The following KIF13A variants were observed in gnomAD, a reference collection of about 807,000 sequenced individuals.
KIF13A encodes kinesin family member 13A.
In KIF13A, 79 loss-of-function variants were observed where a neutral mutation model predicts 212.2. The ratio of observed to expected loss-of-function variants is 0.37; its 90% CI spans 0.31 to 0.45. The LOEUF is 0.45. Among genes scored for constraint, KIF13A ranks in the 20% least tolerant of loss-of-function variants. KIF13A has a pLI of 1.00. For synonymous variants in KIF13A, 789 were observed against 808.6 expected (o/e 0.98, Z 0.41); for missense variants, 1,901 against 2,209.0 (o/e 0.86, Z 2.79).
chr6:17,966,590 G>A (rs1019006806), intron 2 of KIF13A, among the ~76,000 whole-genome samples: 2 of 151,614 alleles, frequency 1.3e-5, no homozygotes, highest in Non-Finnish European at 2.9e-5. Context: ...AATATAGAGT[G>A]TCTCCTAGAT....
At position 17,787,693 on chromosome 6, in the gene KIF13A, C is replaced by A; in HGVS notation, c.3361+83G>T. ...AACAACAAAAATAAGATACTACTGT[C>A]CAGTTAGGGGAAGAAAACGACCTAC... On this transcript the variant is annotated intron_variant, in intron 27 of 38. Coordinates refer to ENST00000259711, the MANE Select transcript of KIF13A (RefSeq NM_022113.6). The surrounding 1 kb of genome is among the most constrained non-coding windows in gnomAD (Gnocchi z 4.6). The A allele has an allele frequency of 2.5e-6, 2 of 785,738 alleles. No homozygotes were observed. The highest frequency in any genetic ancestry group is 4.5e-6 in the Non-Finnish European group (2 of 440,388). 48.7% of individuals were successfully genotyped at this position (785,738 alleles called of 1,614,324 possible).
Position 17,787,504 on chromosome 6 carries a change from A to G in KIF13A, c.3361+272T>C, listed in dbSNP as rs560705888. 2.0e-5 allele frequency among the ~76,000 whole-genome samples: 3 copies of G among 152,226 alleles called. No individual in the cohort carries two copies. Among genetic ancestry groups the G allele is most frequent in the Non-Finnish European group, 2.9e-5 (2 of 68,018 alleles). ...CCCATCTACAAAACATTTAAAAATG[A>G]GCCAGGAGTGGTAGCTTGTGCCTGT... On this transcript the variant is annotated intron_variant, in intron 27 of 38. Transcript: ENST00000259711. The surrounding 1 kb of genome is among the most constrained non-coding windows in gnomAD (Gnocchi z 4.6).
chr6:17,813,100 C>G (rs1763578569), intron 17 of KIF13A, among the ~76,000 whole-genome samples: 2 of 152,194 alleles, frequency 1.3e-5, no homozygotes, highest in African/African-American at 4.8e-5. Context: ...GCCACCAGCT[C>G]ATAGTAAATG....
intron 2 of KIF13A, among the ~76,000 whole-genome samples, chr6:17,935,240 T>C (rs1356218720): frequency 6.6e-6 from 1 of 152,192 alleles, no homozygotes; most frequent in Non-Finnish European, 1.5e-5. Flanking sequence ...AGAAACACTG[T>C]CCTTGGCAAA....
At position 17,785,777 on chromosome 6, in the gene KIF13A, T is replaced by C. The variant is rs1057023289; in HGVS notation, c.3362-136A>G. 2 of 889,292 alleles carry C rather than the reference T, an allele frequency of 2.2e-6. No individual in the cohort carries two copies. Among genetic ancestry groups the C allele is most frequent in the Non-Finnish European group, 1.7e-6 (1 of 585,298 alleles). 55.1% of individuals were successfully genotyped at this position (889,292 alleles called of 1,614,324 possible). ...AAAAAAAAAAAATAGTTGGGCAGGG[T>C]GGTGGTACGCATGCCTGTAGTCCCA... On this transcript the variant is annotated intron_variant, in intron 27 of 38. Transcript: ENST00000259711. The surrounding 1 kb of genome is among the most constrained non-coding windows in gnomAD (Gnocchi z 5.8).
chr6:17,789,014 C>A lies in KIF13A; in HGVS notation c.3261+858G>T, dbSNP rs533927436. On this transcript the variant is annotated intron_variant, in intron 26 of 38. Transcript: ENST00000259711. This position sits in a 1 kb window ranked among gnomAD's most constrained non-coding sequence, Gnocchi z 4.8. ...CTGGGATTACAGGCGTGAGCCACCACGCCCAGCCACTGTACCCACATTTTA... is the reference window on the plus strand; with the variant it reads ...CTGGGATTACAGGCGTGAGCCACCAAGCCCAGCCACTGTACCCACATTTTA... Among the ~76,000 whole-genome samples the A allele has an allele frequency of 4.7e-4, 72 of 152,212 alleles. No homozygotes were observed. Among genetic ancestry groups the A allele is most frequent in the African/African-American group, 1.7e-3 (71 of 41,446 alleles).
chr6:17,831,199 G>T lies in KIF13A; in HGVS notation c.1303C>A (p.Leu435Met), dbSNP rs369179322. ...QRQLESMGIS[L>M]EMSGIKVGDD... ...CCCACCTTGATACCGGACATCTCCA[G>T]GGAAATCCCCATGCTTTCAAGTTGT... Residue 435 changes from leucine to methionine, a missense_variant, in exon 13 of 39, where the codon CTG (leucine) becomes ATG (methionine). Around this residue, in one of 5 missense-constraint regions of KIF13A, gnomAD observed 506 missense variants for 637.4 expected, o/e 0.79. Transcript: ENST00000259711. 2.0e-5 allele frequency: 33 copies of T among 1,613,712 alleles called. No homozygotes were observed. Among genetic ancestry groups the T allele is most frequent in the Non-Finnish European group, 2.8e-5 (33 of 1,179,834 alleles).
In KIF13A at chr6:17,771,088, A is replaced by G. The variant is rs1397366503; in HGVS notation, c.4581+26T>C. The G allele has an allele frequency of 2.0e-6, 3 of 1,495,136 alleles. No individual in the cohort carries two copies. In the African/African-American group the frequency reaches 4.1e-5, roughly 21 times the overall value. The allele number at this position is 1,495,136 out of a possible 1,614,324, so 92.6% of individuals were successfully genotyped here. Reference sequence around the variant, plus strand: ...GGCCTTAAACCCACCACCAGGCAATATGACAGAAATGGTTCCGGAACTTAC... The same window carrying G: ...GGCCTTAAACCCACCACCAGGCAATGTGACAGAAATGGTTCCGGAACTTAC... On this transcript the variant is annotated intron_variant, in intron 38 of 38. Coordinates refer to ENST00000259711, the MANE Select transcript of KIF13A (RefSeq NM_022113.6). This position sits in a 1 kb window ranked among gnomAD's most constrained non-coding sequence, Gnocchi z 5.4.
Position 17,914,259 on chromosome 6 carries a change from C to T in KIF13A, c.147-16079G>A, listed in dbSNP as rs549723321. ...TTTAAACTACATTATTTATAGTGAC[C>T]CTTGTTTTTCACTAAAAAAGTGATG... On this transcript the variant is annotated intron_variant, in intron 2 of 38. Coordinates refer to ENST00000259711, the MANE Select transcript of KIF13A (RefSeq NM_022113.6). This position sits in a 1 kb window ranked among gnomAD's most constrained non-coding sequence, Gnocchi z 5.9. Among the ~76,000 whole-genome samples the T allele has an allele frequency of 4.6e-5, 7 of 151,912 alleles. No homozygotes were observed. The South Asian group carries it at 1.3e-3, about 27-fold the overall frequency.
rs988766696 is a variant in KIF13A, at chr6:17,816,313, C to T, written c.2000+707G>A. Among the ~76,000 whole-genome samples the T allele has an allele frequency of 2.0e-5, 3 of 152,016 alleles. No homozygotes were observed. Among genetic ancestry groups the T allele is most frequent in the African/African-American group, 7.2e-5 (3 of 41,386 alleles). On this transcript the variant is annotated intron_variant, in intron 17 of 38. Transcript: ENST00000259711. This position sits in a 1 kb window ranked among gnomAD's most constrained non-coding sequence, Gnocchi z 4.3. ...TGATCTCTGGGGCTCAAGTGACCCT[C>T]CCTCCTAAGCCTCCCAAGTAGCTGG...
chr6:17,779,483 G>A, intron 32 of KIF13A, 109 bp downstream of exon 32: 1 of 506,198 alleles, frequency 2.0e-6, no homozygotes, highest in Non-Finnish European at 3.7e-6. Flanking sequence ...TGTTGGTCAG[G>A]CTGGTCTCGA....
In KIF13A at chr6:17,855,431, A is replaced by T. The variant is rs1768054466; in HGVS notation, c.494+6T>A. On this transcript the variant is annotated splice_donor_region_variant and intron_variant, in intron 6 of 38. Coordinates refer to ENST00000259711, the MANE Select transcript of KIF13A (RefSeq NM_022113.6). The surrounding 1 kb of genome is among the most constrained non-coding windows in gnomAD (Gnocchi z 4.1). ...TTAACACACTTAATCTTGACCACTA[A>T]CTTACCCTTTGGGGTCTAAAAGATC... The T allele has an allele frequency of 1.9e-5, 31 of 1,601,120 alleles. No homozygotes were observed. Among genetic ancestry groups the T allele is most frequent in the Non-Finnish European group, 2.6e-5 (31 of 1,173,914 alleles).
chr6:17,822,314 A>T (rs1442153619), intron 16 of KIF13A, among the ~76,000 whole-genome samples: 2 of 152,154 alleles, frequency 1.3e-5, no homozygotes, highest in African/African-American at 4.8e-5. Flanking sequence ...AAGTGCTGGG[A>T]TTACAAGCAT....
At chr6:17,842,812 C>T (rs1448282745) in intron 9 of KIF13A, among the ~76,000 whole-genome samples, 1 of 151,180 alleles carries the variant, frequency 6.6e-6, no homozygotes, top group African/African-American at 2.4e-5. Context: ...ATAAAAGCCA[C>T]TCCAATAAAT....
At position 17,900,968 on chromosome 6, in the gene KIF13A, C is replaced by T. The variant is rs192124712; in HGVS notation, c.147-2788G>A. Among the ~76,000 whole-genome samples, 12 of 150,792 alleles carry T rather than the reference C, an allele frequency of 8.0e-5. No individual in the cohort carries two copies. In the East Asian group the frequency reaches 2.0e-3, roughly 25 times the overall value. On this transcript the variant is annotated intron_variant, in intron 2 of 38. Coordinates refer to ENST00000259711, the MANE Select transcript of KIF13A (RefSeq NM_022113.6). This position sits in a 1 kb window ranked among gnomAD's most constrained non-coding sequence, Gnocchi z 4.6. ...TGGCGGGTGCCTGTAGTCCCAGCTA[C>T]TTGGGAGGCTGAGGCAGGAGAATGG...
chr6:17,869,768 C>T (rs1181176957), intron 4 of KIF13A, among the ~76,000 whole-genome samples: 1 of 152,192 alleles, frequency 6.6e-6, no homozygotes, highest in East Asian at 1.9e-4. Context: ...AACTTAAGAG[C>T]CCTTGCTTCT....
chr6:17,914,496 T>G lies in KIF13A; in HGVS notation c.147-16316A>C, dbSNP rs1774334676. On this transcript the variant is annotated intron_variant, in intron 2 of 38. Coordinates refer to ENST00000259711, the MANE Select transcript of KIF13A (RefSeq NM_022113.6). The surrounding 1 kb of genome is among the most constrained non-coding windows in gnomAD (Gnocchi z 5.9). ...TGGTCTATATGGGCATTTGCAAAAT[T>G]AAAATCATACACATGCAAATGGGAA... 6.6e-6 allele frequency among the ~76,000 whole-genome samples: 1 copy of G among 152,218 alleles called. No homozygotes were observed. Among genetic ancestry groups the G allele is most frequent in the South Asian group, 2.1e-4 (1 of 4,834 alleles).
intron 2 of KIF13A, among the ~76,000 whole-genome samples, chr6:17,920,051 CTT>C (rs1482614858): frequency 6.6e-6 from 1 of 152,168 alleles, no homozygotes; most frequent in African/African-American, 2.4e-5. Flanking sequence ...ATTAAGCTTG[CTT>C]GGTTTCTGTT....
In KIF13A at chr6:17,764,512, G is replaced by A. The variant is rs1271215323; in HGVS notation, c.5016C>T (p.Asn1672=). The A allele has an allele frequency of 2.5e-6, 4 of 1,613,860 alleles. No homozygotes were observed. In the East Asian group the frequency reaches 8.9e-5, roughly 36 times the overall value. The part of the protein sequence containing the change: ...DKIIVVPLKE[N]SALAKGSPSS... Reference sequence around the variant, plus strand: ...ATGGGCTCCCTTTGGCTAAGGCACTGTTTTCCTTGAGTGGCACCACAATTA... The same window carrying A: ...ATGGGCTCCCTTTGGCTAAGGCACTATTTTCCTTGAGTGGCACCACAATTA... Residue 1672 remains asparagine, a synonymous_variant, in exon 39 of 39, where the codon AAC becomes AAT. Transcript: ENST00000259711. The surrounding 1 kb of genome is among the most constrained non-coding windows in gnomAD (Gnocchi z 5.1).
Sources: gnomAD v4.1 joint callset for allele counts (sites outside exome capture counted in the v4.1 genomes callset) on GRCh38, gnomAD v4.1.1 for gene constraint, gnomAD v4.1.1 regional missense constraint, Gnocchi (gnomAD v3.1) non-coding constraint, MANE v1.5 for transcripts, NCBI Gene and HGNC (gene_info 2026-07-23, HGNC 2026-07-21) for gene names.